Variants in PPP3R1 observed in about 807,000 individuals in gnomAD.
PPP3R1 encodes the protein protein phosphatase 3 regulatory subunit B, alpha, also known as calcineurin subunit B type 1.
A neutral mutation model predicts 22.6 loss-of-function variants in PPP3R1; 5 were observed. The ratio of observed to expected loss-of-function variants is 0.22; its 90% CI spans 0.12 to 0.46. The LOEUF (loss-of-function observed/expected upper bound fraction) is 0.46. Ranked by LOEUF, PPP3R1 falls within the 20% of genes least tolerant of loss-of-function variation. The pLI, the probability that PPP3R1 is intolerant of heterozygous loss-of-function variation, is 0.99. For synonymous variants in PPP3R1, 56 were observed against 65.2 expected, an observed-to-expected ratio of 0.86 and a Z score of 0.68; for missense variants, 61 against 203.2, an observed-to-expected ratio of 0.30 and a Z score of 4.25.
chr2:68,188,436 T>C (rs1014216078), intron 3 of PPP3R1, 78 bp downstream of exon 3: 1 of 1,237,946 alleles, frequency 8.1e-7, no homozygotes, highest in African/African-American at 1.6e-5. Context: ...AAGCACTTTT[T>C]TTTTTTTTTT....
At chr2:68,209,159 A>C (rs6546360) in intron 2 of PPP3R1, among the ~76,000 whole-genome samples, 110,450 of 148,472 alleles carry the variant, frequency 0.74, 42,120 homozygotes, top group African/African-American at 0.93. Context: ...GAGATCGAGA[A>C]CATCCCGGCT....
At chr2:68,229,007 T>C (rs2103788319) in intron 1 of PPP3R1, among the ~76,000 whole-genome samples, 1 of 152,228 alleles carries the variant, frequency 6.6e-6, no homozygotes, top group South Asian at 2.1e-4. Flanking sequence ...TTCAATTCCT[T>C]AAAATGTGTT....
intron 1 of PPP3R1, among the ~76,000 whole-genome samples, chr2:68,249,633 AT>A (rs1223030919): frequency 2.8e-4 from 41 of 148,414 alleles, no homozygotes; most frequent in African/African-American, 3.0e-4. Flanking sequence ...TATTTACAAG[AT>A]TTTTTTTTTT....
intron 2 of PPP3R1, among the ~76,000 whole-genome samples, chr2:68,200,369 A>C (rs1264545424): frequency 3.3e-5 from 5 of 152,222 alleles, no homozygotes; most frequent in Non-Finnish European, 5.9e-5. Flanking sequence ...AAAATGACCA[A>C]CACACTAGAA....
chr2:68,249,819 CT>C (rs1670308254), intron 1 of PPP3R1, among the ~76,000 whole-genome samples: 1 of 151,926 alleles, frequency 6.6e-6, no homozygotes, highest in Non-Finnish European at 1.5e-5. Context: ...TCTTATAAGC[CT>C]TTTTACTTTC....
chr2:68,241,738 G>T (rs948902929), intron 1 of PPP3R1, among the ~76,000 whole-genome samples: 16 of 151,320 alleles, frequency 1.1e-4, no homozygotes, highest in Admixed American at 2.6e-4. Context: ...CAGCTACTCA[G>T]AAGGCTGAAG....
intron 1 of PPP3R1, among the ~76,000 whole-genome samples, chr2:68,236,794 G>A (rs1375455344): frequency 6.6e-6 from 1 of 152,156 alleles, no homozygotes; most frequent in Non-Finnish European, 1.5e-5. Flanking sequence ...CCAGAGTAAG[G>A]AATGTGGCCT....
intron 1 of PPP3R1, among the ~76,000 whole-genome samples, chr2:68,232,120 T>TACACAC (rs371099015): frequency 1.8e-4 from 8 of 44,320 alleles, no homozygotes; most frequent in South Asian, 1.0e-3. Context: ...TATATATATA[T>TACACAC]ATATACACAC....
intron 1 of PPP3R1, among the ~76,000 whole-genome samples, chr2:68,219,584 G>T (rs1269090546): frequency 6.6e-6 from 1 of 152,112 alleles, no homozygotes; most frequent in African/African-American, 2.4e-5. Flanking sequence ...ACATCAGTTT[G>T]TAAATTATTA....
intron 1 of PPP3R1, among the ~76,000 whole-genome samples, chr2:68,247,945 A>G (rs1670267698): frequency 6.6e-6 from 1 of 152,328 alleles, no homozygotes; most frequent in Non-Finnish European, 1.5e-5. Context: ...CCCGGCCATC[A>G]GAATGGTCTC....
At chr2:68,238,366 C>T (rs1433503800) in intron 1 of PPP3R1, among the ~76,000 whole-genome samples, 1 of 152,082 alleles carries the variant, frequency 6.6e-6, no homozygotes, top group Non-Finnish European at 1.5e-5. Context: ...TCACACAATG[C>T]CACTGTGGAT....
At chr2:68,232,152 TATATATAC>T (rs1669921703) in intron 1 of PPP3R1, among the ~76,000 whole-genome samples, 1 of 66,856 alleles carries the variant, frequency 1.5e-5, no homozygotes, top group African/African-American at 5.7e-5. Flanking sequence ...TATATGTATA[TATATATAC>T]ATATATAAAT....
At chr2:68,237,211 G>T (rs1670035081) in intron 1 of PPP3R1, among the ~76,000 whole-genome samples, 2 of 152,142 alleles carry the variant, frequency 1.3e-5, no homozygotes, top group South Asian at 4.2e-4. Context: ...ATGAAACCTA[G>T]ACCTGCCAAG....
intron 3 of PPP3R1, among the ~76,000 whole-genome samples, chr2:68,187,523 GTCAA>G (rs753685891): frequency 6.6e-6 from 1 of 151,880 alleles, no homozygotes; most frequent in Admixed American, 6.6e-5. Flanking sequence ...GTTCTCTAAG[GTCAA>G]TCAATTTGAA....
chr2:68,211,360 T>C lies in PPP3R1; in HGVS notation c.43+5732A>G, dbSNP rs370561072. Among the ~76,000 whole-genome samples, 54 of 134,404 alleles carry C rather than the reference T, an allele frequency of 4.0e-4. 2 individuals are homozygous for C. The South Asian group carries it at 0.013, about 33-fold the overall frequency. 88.2% of individuals were successfully genotyped at this position (134,404 alleles called of 152,430 possible). ...AGGCGGAGCTTGCAGTGAGCCAAGA[T>C]TGCGCCACTGCACTCCAGCCTGGGC... On this transcript the variant is annotated intron_variant, in intron 2 of 5. Transcript: ENST00000234310.
chr2:68,227,860 T>C (rs532630641), intron 1 of PPP3R1, among the ~76,000 whole-genome samples: 2 of 152,304 alleles, frequency 1.3e-5, no homozygotes, highest in Admixed American at 6.5e-5. Flanking sequence ...TTAGTACTTT[T>C]ATTTTTTGTA....
At chr2:68,242,808 C>T (rs1320358570) in intron 1 of PPP3R1, among the ~76,000 whole-genome samples, 5 of 152,078 alleles carry the variant, frequency 3.3e-5, no homozygotes, top group Non-Finnish European at 7.4e-5. Flanking sequence ...GAAAATCATC[C>T]CTGAATCTAG....
intron 2 of PPP3R1, 44 bp downstream of exon 2, chr2:68,217,048 A>AGG: frequency 7.1e-7 from 1 of 1,417,780 alleles, no homozygotes; most frequent in Non-Finnish European, 9.8e-7. Flanking sequence ...ACAGAGAGAG[A>AGG]TGAGTGAATA....
Position 68,180,814 on chromosome 2 carries a change from TG to T in PPP3R1, c.*148del. 1 of 722,184 alleles carries T rather than the reference TG, an allele frequency of 1.4e-6. No individual in the cohort carries two copies. Among genetic ancestry groups the T allele is most frequent in the Non-Finnish European group, 2.3e-6 (1 of 429,608 alleles). The allele number at this position is 722,184 out of a possible 1,614,324, so 44.7% of individuals were successfully genotyped here. ...GAATTACAGTTCAATAACACTTAGT[TG>T]GCTTCATGAGGCTCATGTTGGAAAA... On this transcript the variant is annotated 3_prime_UTR_variant, in exon 6 of 6. Transcript: ENST00000234310.
Sources: gnomAD v4.1 joint callset for allele counts (sites outside exome capture counted in the v4.1 genomes callset) on GRCh38, gnomAD v4.1.1 for gene constraint, MANE v1.5 for transcripts, NCBI Gene and HGNC (gene_info 2026-07-23, HGNC 2026-07-21) for gene names.